The following CENPV variants were observed in gnomAD, a reference collection of about 807,000 sequenced individuals.
CENPV encodes centromere protein V.
In CENPV, 15 loss-of-function variants were observed where a neutral mutation model predicts 26.4. The ratio of observed to expected loss-of-function variants is 0.57; its 90% CI spans 0.38 to 0.88. CENPV has a LOEUF of 0.88. Among genes scored for constraint, CENPV ranks in the 40% least tolerant of loss-of-function variants. The pLI is 0.00. For synonymous variants in CENPV, 172 were observed against 165.5 expected, an observed-to-expected ratio of 1.04 and a Z score of -0.30; for missense variants, 336 against 376.5, an observed-to-expected ratio of 0.89 and a Z score of 0.89.
chr17:16,342,990 C>A (rs1020466161), intron 4 of CENPV, 49 bp from the exon 5 acceptor site: 1 of 1,610,176 alleles, frequency 6.2e-7, no homozygotes, highest in Admixed American at 1.7e-5. Context: ...ATGGGTGAGA[C>A]CAGATGGTGT....
rs1006629583 is a variant in CENPV at position 16,353,272 on chromosome 17, C to T, written c.165G>A (p.Lys55=). 13 of 1,420,910 alleles carry T rather than the reference C, an allele frequency of 9.1e-6. No individual in the cohort carries two copies. In the South Asian group the frequency reaches 1.0e-4, roughly 11 times the overall value. The allele number at this position is 1,420,910 out of a possible 1,614,324, so 88.0% of individuals were successfully genotyped here. A position where few individuals can be genotyped will look rare whatever the true frequency, so the allele number is the denominator to read the frequency against. Reference sequence around the variant, plus strand: ...TCAGCCGCGGCTTCTCCGACGGCGGCTTCTCCACCGCCTGGCTCTTGCTCC... The same window carrying T: ...TCAGCCGCGGCTTCTCCGACGGCGGTTTCTCCACCGCCTGGCTCTTGCTCC... ...QAGSKSQAVE[K]PPSEKPRLRR... is the part of the protein sequence containing the mutation. The change falls in exon 1 of 5, where the codon AAG becomes AAA. Residue 55 remains lysine (K), a synonymous_variant. Coordinates refer to ENST00000299736, the MANE Select transcript of CENPV (RefSeq NM_181716.3).
At position 16,342,961 on chromosome 17, in the gene CENPV, A is replaced by G; in HGVS notation, c.695-20T>C. On this transcript the variant is annotated intron_variant, in intron 4 of 4. Transcript: ENST00000299736. ...CAATTCCTACGAGAAAGTGGCACAG[A>G]CAAAGGGGGATCCTCAGTATGGGTG... The G allele has an allele frequency of 6.2e-7, 1 of 1,611,252 alleles. No individual in the cohort carries two copies. The highest frequency in any genetic ancestry group is 1.1e-5 in the South Asian group (1 of 91,068).
chr17:16,353,197 C>T lies in CENPV; in HGVS notation c.240G>A (p.Pro80=). The change falls in exon 1 of 5, where the codon CCG becomes CCA. Residue 80 remains proline (P), a synonymous_variant. Transcript: ENST00000299736. ...GTGGCGGGAGCAACGCCAGCTCAGGCGGCGGCGGCTCCCCCGGGCCCTCCT... is the reference window on the plus strand; with the variant it reads ...GTGGCGGGAGCAACGCCAGCTCAGGTGGCGGCGGCTCCCCCGGGCCCTCCT... The part of the protein sequence containing the change: ...AQEEGPGEPP[P]PELALLPPPP... 7.3e-7 allele frequency: 1 copy of T among 1,368,458 alleles called. No homozygotes were observed. Among genetic ancestry groups the T allele is most frequent in the Non-Finnish European group, 9.4e-7 (1 of 1,067,186 alleles). The allele number at this position is 1,368,458 out of a possible 1,614,324, so 84.8% of individuals were successfully genotyped here.
intron 4 of CENPV, among the ~76,000 whole-genome samples, chr17:16,343,295 A>T (rs2093190317): frequency 6.6e-6 from 1 of 152,224 alleles, no homozygotes; most frequent in South Asian, 2.1e-4. Flanking sequence ...TGGCAGCCTG[A>T]AGAATTCACA....
At position 16,353,093 on chromosome 17, in the gene CENPV, C is replaced by T; in HGVS notation, c.344G>A (p.Trp115Ter). Residue 115 changes from tryptophan to a stop codon, truncating the protein, a stop_gained, in exon 1 of 5, where the codon TGG becomes TAG. Coordinates refer to ENST00000299736, the MANE Select transcript of CENPV (RefSeq NM_181716.3). LOFTEE classifies it high-confidence loss of function. ...CTTCTGCCGCTTCTGGAACGTCTCC[C>T]AGCGCTCCCGCTGCTCGCCCAGGTC... Reference protein sequence around the residue: ...NLDLGEQRERWETFQKRQKLT... With the variant: ...NLDLGEQRER The T allele has an allele frequency of 6.4e-7, 1 of 1,571,288 alleles. No individual in the cohort carries two copies. Among genetic ancestry groups the T allele is most frequent in the Non-Finnish European group, 8.6e-7 (1 of 1,160,470 alleles).
chr17:16,352,387 C>A (rs1202040190), intron 1 of CENPV, among the ~76,000 whole-genome samples: 1 of 152,188 alleles, frequency 6.6e-6, no homozygotes, highest in African/African-American at 2.4e-5. Context: ...CATTAGCTGG[C>A]TGAGCACATA....
At chr17:16,352,225 C>A (rs190278566) in intron 1 of CENPV, among the ~76,000 whole-genome samples, 2 of 152,294 alleles carry the variant, frequency 1.3e-5, no homozygotes, top group East Asian at 3.9e-4. Flanking sequence ...CACAACTGTT[C>A]CCCGAGGCAG....
At chr17:16,346,476 C>T (rs1252941313) in intron 3 of CENPV, among the ~76,000 whole-genome samples, 2 of 152,172 alleles carry the variant, frequency 1.3e-5, no homozygotes, top group Non-Finnish European at 2.9e-5. Context: ...ATAGGCCAGG[C>T]GCAGTGGCTC....
intron 3 of CENPV, 144 bp from the exon 4 acceptor site, chr17:16,344,855 C>T: frequency 2.8e-6 from 1 of 361,450 alleles, no homozygotes; most frequent in Non-Finnish European, 4.9e-6. Flanking sequence ...ACTGCAACCT[C>T]CACCTGCATG....
chr17:16,351,124 G>C (rs999706869), intron 1 of CENPV: 1 of 151,936 alleles, frequency 6.6e-6, no homozygotes, highest in African/African-American at 2.4e-5. Flanking sequence ...TAGAGACGGG[G>C]TTTCTCCATG....
Position 16,349,924 on chromosome 17 carries a change from TACTC to T in CENPV, c.509+3_509+6del. The T allele has an allele frequency of 6.2e-7, 1 of 1,602,766 alleles. No individual in the cohort carries two copies. The highest frequency in any genetic ancestry group is 8.5e-7 in the Non-Finnish European group (1 of 1,177,360). ...TTAAGCCAATTTAGGGAAAAAAAAA[TACTC>T]ACTTGCAGTCAAATATATGCAAGTC... is the stretch of plus-strand genomic sequence containing the variant. On this transcript the variant is annotated splice_donor_5th_base_variant and intron_variant, in intron 2 of 4. Transcript: ENST00000299736.
Position 16,353,409 on chromosome 17 carries a change from C to A in CENPV, c.28G>T (p.Ala10Ser). Residue 10 changes from alanine to serine, a missense_variant, in exon 1 of 5, where the codon GCC becomes TCC. Ala to Ser is a moderately conservative substitution (Grantham distance 99, BLOSUM62 1). Around this residue, in one of 2 missense-constraint regions of CENPV, gnomAD observed 181 missense variants for 148.8 expected, o/e 1.22. Coordinates refer to ENST00000299736, the MANE Select transcript of CENPV (RefSeq NM_181716.3). ...GACCGCTTCTGCCCGCGCAGCTTGG[C>A]GGCCGCAGAGCTCCTCGATCGCCGC... MRRSRSSAA[A>S]KLRGQKRSGA... 1 of 1,175,000 alleles carries A rather than the reference C, an allele frequency of 8.5e-7. No individual in the cohort carries two copies. The highest frequency in any genetic ancestry group is 1.0e-6 in the Non-Finnish European group (1 of 952,852). 72.8% of individuals were successfully genotyped at this position (1,175,000 alleles called of 1,614,324 possible). A position where few individuals can be genotyped will look rare whatever the true frequency, so the allele number is the denominator to read the frequency against.
At chr17:16,344,342 T>C in intron 4 of CENPV, 1 of 254,172 alleles carries the variant, frequency 3.9e-6, no homozygotes, top group Non-Finnish European at 7.4e-6. Flanking sequence ...CCAGCACCAG[T>C]GAATAAGAAT....
chr17:16,350,559 T>C (rs1396812435), intron 1 of CENPV: 1 of 152,724 alleles, frequency 6.5e-6, no homozygotes, highest in African/African-American at 2.4e-5. Flanking sequence ...GCCAAGCTGG[T>C]CTTGAACTCC....
intron 3 of CENPV, among the ~76,000 whole-genome samples, chr17:16,345,009 G>A (rs1030963233): frequency 6.6e-6 from 1 of 151,948 alleles, no homozygotes; most frequent in Non-Finnish European, 1.5e-5. Context: ...CTGACCTCAT[G>A]ATTCACCCAC....
intron 3 of CENPV, chr17:16,347,491 A>T (rs2093211974): frequency 6.7e-6 from 1 of 149,896 alleles, no homozygotes; most frequent in Admixed American, 6.9e-5. Flanking sequence ...AAAAATCTGT[A>T]TTCTTTAACC....
chr17:16,349,338 G>A, intron 2 of CENPV: 3 of 985,676 alleles, frequency 3.0e-6, no homozygotes, highest in Non-Finnish European at 3.6e-6. Flanking sequence ...CGGTACCTAG[G>A]GGCAAAAAGG....
intron 3 of CENPV, among the ~76,000 whole-genome samples, chr17:16,346,748 CA>C (rs1370954647): frequency 6.8e-6 from 1 of 147,438 alleles, no homozygotes; most frequent in East Asian, 2.0e-4. Context: ...GAGACTGTCT[CA>C]AAAAAAAAGT....
At chr17:16,344,793 CAG>C (rs1178466218) in intron 3 of CENPV, 82 bp from the exon 4 acceptor site, 7 of 776,842 alleles carry the variant, frequency 9.0e-6, no homozygotes, top group East Asian at 4.2e-5. Flanking sequence ...TTTATTGAGA[CAG>C]AGTCTCCCAC....
Sources: gnomAD v4.1 joint callset for allele counts (sites outside exome capture counted in the v4.1 genomes callset) on GRCh38, gnomAD v4.1.1 for gene constraint, gnomAD v4.1.1 regional missense constraint, MANE v1.5 for transcripts, NCBI Gene and HGNC (gene_info 2026-07-23, HGNC 2026-07-21) for gene names.